Variants in ATM observed in about 807,000 individuals in gnomAD.
ATM encodes the protein ATM serine/threonine kinase.
ATM carries 308 observed loss-of-function variants against 387.0 expected under a neutral mutation model. That is an observed-to-expected ratio of 0.80 (90% CI 0.73 to 0.87). ATM has a LOEUF of 0.87. Ranked by LOEUF, ATM falls within the 40% of genes least tolerant of loss-of-function variation. The pLI, the probability that ATM is intolerant of heterozygous loss-of-function variation, is 0.00. For synonymous variants in ATM, 1,156 were observed against 1,187.3 expected (o/e 0.97, Z 0.54); for missense variants, 3,312 against 3,560.9 (o/e 0.93, Z 1.78).
At chr11:108,361,703 T>C (rs2090782586) in intron 61 of ATM, among the ~76,000 whole-genome samples, 1 of 151,694 alleles carries the variant, frequency 6.6e-6, no homozygotes, top group Admixed American at 6.6e-5. Flanking sequence ...GGGGAAAGGA[T>C]TCCCTATTTA....
In ATM at chr11:108,344,735, A is replaced by G. The variant is rs1591257991; in HGVS notation, c.8419-1008A>G. Among the ~76,000 whole-genome samples the G allele has an allele frequency of 2.6e-5, 4 of 152,022 alleles. No homozygotes were observed. The East Asian group carries it at 7.7e-4, about 29-fold the overall frequency. ...AATAAGGTTGGGGGGCGGGTGTGGT[A>G]GCGCATGCCTGTAATCCCAGCACTT... On this transcript the variant is annotated intron_variant, in intron 57 of 62. Transcript: ENST00000675843.
At chr11:108,267,992 T>C (rs1316084974) in intron 17 of ATM, among the ~76,000 whole-genome samples, 1 of 152,276 alleles carries the variant, frequency 6.6e-6, no homozygotes, top group East Asian at 1.9e-4. Flanking sequence ...GTAGTCAACA[T>C]CAACATTCAC....
In ATM at chr11:108,365,898, G is replaced by A. The variant is rs967000350; in HGVS notation, c.*390G>A. 2.4e-5 allele frequency: 5 copies of A among 204,236 alleles called. No homozygotes were observed. Among genetic ancestry groups the A allele is most frequent in the Admixed American group, 1.1e-4 (2 of 18,658 alleles). The allele number at this position is 204,236 out of a possible 1,614,324, so 12.7% of individuals were successfully genotyped here. A position where few individuals can be genotyped will look rare whatever the true frequency, so the allele number is the denominator to read the frequency against. Reference sequence around the variant, plus strand: ...ACAAAAATTAGCCGAGCATGGTGGCGGGCACCTGTAATCCCAGCTACTCGA... The same window carrying A: ...ACAAAAATTAGCCGAGCATGGTGGCAGGCACCTGTAATCCCAGCTACTCGA... On this transcript the variant is annotated 3_prime_UTR_variant, in exon 63 of 63. Transcript: ENST00000675843.
rs750663117 is a variant in ATM at position 108,272,531 on chromosome 11, G to A, written c.3078-1G>A. 4.4e-6 allele frequency: 7 copies of A among 1,608,660 alleles called. No homozygotes were observed. The highest frequency in any genetic ancestry group is 6.0e-6 in the Non-Finnish European group (7 of 1,175,232). ...ACTTTGGAAAACTTACTTGATTTCA[G>A]GCATCTAACAAAGGAGAGGAAATAT... On this transcript the variant is annotated splice_acceptor_variant, in intron 20 of 62. Coordinates refer to ENST00000675843, the MANE Select transcript of ATM (RefSeq NM_000051.4). LOFTEE classifies it high-confidence loss of function.
At chr11:108,331,706 TTC>T (rs896485111) in intron 51 of ATM, 149 bp downstream of exon 51, 1 of 1,318,288 alleles carries the variant, frequency 7.6e-7, no homozygotes, top group Non-Finnish European at 1.0e-6. Flanking sequence ...GTTACTCATT[TTC>T]TCTCTCTAAT....
At chr11:108,245,312 T>TTA (rs2079791703) in intron 7 of ATM, among the ~76,000 whole-genome samples, 1 of 152,208 alleles carries the variant, frequency 6.6e-6, no homozygotes, top group South Asian at 2.1e-4. Context: ...GCATCAATAC[T>TTA]TAGATACTAA....
In ATM at chr11:108,293,921, G is replaced by A. The variant is rs868639949; in HGVS notation, c.4776+444G>A. 4.4e-4 allele frequency among the ~76,000 whole-genome samples: 57 copies of A among 128,364 alleles called. 1 individual carries two copies. In the South Asian group the frequency reaches 9.2e-3, roughly 21 times the overall value. The allele number at this position is 128,364 out of a possible 152,430, so 84.2% of individuals were successfully genotyped here. ...TATATATATATATATATATATATAT[G>A]TGTGTGTATATAAACACATACTTGT... On this transcript the variant is annotated intron_variant, in intron 31 of 62. Coordinates refer to ENST00000675843, the MANE Select transcript of ATM (RefSeq NM_000051.4).
chr11:108,269,120 C>T (rs4987972), intron 18 of ATM, among the ~76,000 whole-genome samples: 3,957 of 152,224 alleles, frequency 0.026, 181 homozygotes, highest in African/African-American at 0.09. Context: ...AAATCGCACA[C>T]GTGATGCTCC....
chr11:108,360,603 C>A (rs1202335968), intron 61 of ATM, among the ~76,000 whole-genome samples: 1 of 149,484 alleles, frequency 6.7e-6, no homozygotes, highest in East Asian at 1.9e-4. Context: ...CCACCATGAT[C>A]CAGTGGGCTT....
chr11:108,231,717 AAAG>A, intron 4 of ATM: 1 of 151,682 alleles, frequency 6.6e-6, no homozygotes, highest in Admixed American at 6.6e-5. Context: ...AAAAAAAAAA[AAAG>A]AATCAGGAAA....
rs55719759 is a variant in ATM, at chr11:108,272,717, C to T, written c.3154-5C>T. On this transcript the variant is annotated splice_region_variant and splice_polypyrimidine_tract_variant and intron_variant, in intron 21 of 62. Transcript: ENST00000675843. ...TCATATTTAACCACAGTTCTTTTCC[C>T]GTAGGCTGATCCTTATTCAAAATGG... 4.9e-5 allele frequency: 79 copies of T among 1,613,646 alleles called. No homozygotes were observed. In the East Asian group the frequency reaches 1.1e-3, roughly 22 times the overall value.
chr11:108,269,418 ATCTG>A (rs1304622450), intron 18 of ATM, among the ~76,000 whole-genome samples: 2 of 152,148 alleles, frequency 1.3e-5, no homozygotes, highest in Non-Finnish European at 2.9e-5. Context: ...CTGTCCATTT[ATCTG>A]TCTGTTGATA....
chr11:108,248,825 T>A, intron 8 of ATM, 108 bp from the exon 9 acceptor site: 1 of 911,098 alleles, frequency 1.1e-6, no homozygotes. Flanking sequence ...GAGGTAGAGG[T>A]TGTGGTGATA....
At chr11:108,354,272 C>T (rs1165305505) in intron 60 of ATM, among the ~76,000 whole-genome samples, 4 of 152,168 alleles carry the variant, frequency 2.6e-5, no homozygotes, top group African/African-American at 9.7e-5. Flanking sequence ...TCCAAACCTC[C>T]TCTGGAAGCA....
rs368627124 is a variant in ATM, at chr11:108,353,891, T to C, written c.8786+11T>C. On this transcript the variant is annotated intron_variant, in intron 60 of 62. Transcript: ENST00000675843. ...AGGTGTCTTCAGAAGGTAAGTGATATGAAGTAAAGGAGGGAAATAATTTTT... is the reference window on the plus strand; with the variant it reads ...AGGTGTCTTCAGAAGGTAAGTGATACGAAGTAAAGGAGGGAAATAATTTTT... The C allele has an allele frequency of 5.0e-6, 8 of 1,602,268 alleles. No homozygotes were observed. Among genetic ancestry groups the C allele is most frequent in the African/African-American group, 2.7e-5 (2 of 74,562 alleles).
intron 7 of ATM, 63 bp from the exon 8 acceptor site, chr11:108,246,901 G>A (rs2135262926): frequency 1.5e-6 from 2 of 1,352,572 alleles, no homozygotes; most frequent in Non-Finnish European, 2.1e-6. Context: ...ATAATTTTGT[G>A]GGAGCTAGCA....
At chr11:108,285,685 G>A (rs1040385061) in intron 26 of ATM, among the ~76,000 whole-genome samples, 1 of 151,846 alleles carries the variant, frequency 6.6e-6, no homozygotes, top group Non-Finnish European at 1.5e-5. Flanking sequence ...TTGCTTAGGT[G>A]GACCTATTCA....
intron 9 of ATM, 126 bp from the exon 10 acceptor site, chr11:108,250,575 G>A (rs999517438): frequency 1.9e-6 from 2 of 1,067,536 alleles, no homozygotes; most frequent in Middle Eastern, 3.1e-4. Flanking sequence ...TTTATTTTTA[G>A]AGTACTATGG....
intron 45 of ATM, among the ~76,000 whole-genome samples, chr11:108,321,750 G>C (rs1336654207): frequency 6.6e-6 from 1 of 151,702 alleles, no homozygotes; most frequent in Admixed American, 6.6e-5. Flanking sequence ...ATTGCGCCAT[G>C]GATTCCAGCC....
Sources: gnomAD v4.1 joint callset for allele counts (sites outside exome capture counted in the v4.1 genomes callset) on GRCh38, gnomAD v4.1.1 for gene constraint, MANE v1.5 for transcripts, NCBI Gene and HGNC (gene_info 2026-07-23, HGNC 2026-07-21) for gene names.